Variants in XPR1 observed in about 807,000 individuals in gnomAD.
The protein encoded by XPR1 is xenotropic and polytropic retrovirus receptor 1, also known as solute carrier family 53 member 1.
A neutral mutation model predicts 87.5 loss-of-function variants in XPR1; 28 were observed. The ratio of observed to expected loss-of-function variants is 0.32; its 90% CI spans 0.24 to 0.44. The LOEUF is 0.44. Among genes scored for constraint, XPR1 ranks in the 20% least tolerant of loss-of-function variants. XPR1 has a pLI of 1.00. For synonymous variants in XPR1, 300 were observed against 306.1 expected (o/e 0.98, Z 0.21); for missense variants, 559 against 862.3 (o/e 0.65, Z 4.41).
chr1:180,659,262 C>A (rs1481046699), intron 1 of XPR1, among the ~76,000 whole-genome samples: 3 of 114,902 alleles, frequency 2.6e-5, no homozygotes, highest in South Asian at 7.3e-4. Flanking sequence ...CCCTCCCTCC[C>A]TCCCTCCCTC....
Position 180,887,294 on chromosome 1 carries a change from A to G in XPR1, c.*3228A>G, listed in dbSNP as rs927144369. ...CTAGTTTTATTTTGGAGAATCACTC[A>G]GTTTTTAATATCAATTAAAATAGTC... is the stretch of plus-strand genomic sequence containing the variant. On this transcript the variant is annotated 3_prime_UTR_variant, in exon 15 of 15. Coordinates refer to ENST00000367590, the MANE Select transcript of XPR1 (RefSeq NM_004736.4). The G allele has an allele frequency of 6.6e-6, 1 of 152,248 alleles. No homozygotes were observed. The highest frequency in any genetic ancestry group is 2.4e-5 in the African/African-American group (1 of 41,466). The allele number at this position is 152,248 out of a possible 1,614,324, so 9.4% of individuals were successfully genotyped here.
intron 1 of XPR1, among the ~76,000 whole-genome samples, chr1:180,648,790 AAGCC>A (rs1473472231): frequency 6.6e-6 from 1 of 152,128 alleles, no homozygotes; most frequent in East Asian, 1.9e-4. Flanking sequence ...TTACAGGTGT[AAGCC>A]ACTGCGCCCA....
intron 2 of XPR1, among the ~76,000 whole-genome samples, chr1:180,689,214 G>C (rs1656897595): frequency 6.6e-6 from 1 of 152,186 alleles, no homozygotes; most frequent in Non-Finnish European, 1.5e-5. Flanking sequence ...GCATGACTCA[G>C]TAATGACAGT....
At chr1:180,742,954 G>C (rs2102024789) in intron 2 of XPR1, among the ~76,000 whole-genome samples, 1 of 151,954 alleles carries the variant, frequency 6.6e-6, no homozygotes, top group Middle Eastern at 3.4e-3. Flanking sequence ...TCTTCCTTTT[G>C]ATTAGTATTT....
At chr1:180,680,621 C>T (rs970875459) in intron 1 of XPR1, among the ~76,000 whole-genome samples, 2 of 152,068 alleles carry the variant, frequency 1.3e-5, no homozygotes, top group African/African-American at 4.8e-5. Flanking sequence ...CCTCGGCCTC[C>T]CAAAGTGCTG....
rs1378621484 is a variant in XPR1 at position 180,704,274 on chromosome 1, A to ATATATATATATATG, written c.121+21866_121+21867insATATATATATGTAT. ...TATATATATATATATATATATATATATATTATCAGATTATCTGTTTTGTTA... is the reference window on the plus strand; with the variant it reads ...TATATATATATATATATATATATATATATATATATATATGTATTATCAGATTATCTGTTTTGTTA... On this transcript the variant is annotated intron_variant, in intron 2 of 14. Coordinates refer to ENST00000367590, the MANE Select transcript of XPR1 (RefSeq NM_004736.4). 3.0e-4 allele frequency among the ~76,000 whole-genome samples: 43 copies of ATATATATATATATG among 141,682 alleles called. 2 individuals are homozygous for ATATATATATATATG. In the South Asian group the frequency reaches 9.6e-3, roughly 32 times the overall value. The allele number at this position is 141,682 out of a possible 152,430, so 92.9% of individuals were successfully genotyped here. A position where few individuals can be genotyped will look rare whatever the true frequency, so the allele number is the denominator to read the frequency against.
intron 2 of XPR1, among the ~76,000 whole-genome samples, chr1:180,749,911 A>G (rs1647456113): frequency 6.6e-6 from 1 of 152,214 alleles, no homozygotes; most frequent in Admixed American, 6.5e-5. Context: ...CCGTAGTTAA[A>G]AGGGCAAATG....
intron 2 of XPR1, among the ~76,000 whole-genome samples, chr1:180,742,102 G>T (rs551844282): frequency 6.6e-6 from 1 of 151,606 alleles, no homozygotes; most frequent in African/African-American, 2.4e-5. Flanking sequence ...TTTCTAAAGA[G>T]CCATCTTTTG....
At chr1:180,873,671 C>G (rs1652574568) in intron 12 of XPR1, 132 bp from the exon 13 acceptor site, 5 of 999,290 alleles carry the variant, frequency 5.0e-6, no homozygotes, top group Non-Finnish European at 5.7e-6. Flanking sequence ...AAATAAAGTA[C>G]AACTTTCCTC....
At chr1:180,752,292 ATTCTT>A (rs1467120460) in intron 2 of XPR1, among the ~76,000 whole-genome samples, 5 of 152,158 alleles carry the variant, frequency 3.3e-5, no homozygotes, top group Non-Finnish European at 7.4e-5. Flanking sequence ...AGGATTATTT[ATTCTT>A]TTCTTTTTTT....
chr1:180,656,387 G>GTATTTATATATAAATATATATA (rs1655476305), intron 1 of XPR1, among the ~76,000 whole-genome samples: 2 of 54,174 alleles, frequency 3.7e-5, no homozygotes, highest in East Asian at 5.1e-4. Context: ...TAATATTCAT[G>GTATTTATATATAAATATATATA]TATTTATATA....
rs527975315 is a variant in XPR1 at position 180,684,284 on chromosome 1, C to T, written c.121+1873C>T. Among the ~76,000 whole-genome samples the T allele has an allele frequency of 7.1e-3, 1,084 of 152,206 alleles. 15 individuals are homozygous for T. The highest frequency in any genetic ancestry group is 0.024 in the African/African-American group (1,002 of 41,506). On this transcript the variant is annotated intron_variant, in intron 2 of 14. Coordinates refer to ENST00000367590, the MANE Select transcript of XPR1 (RefSeq NM_004736.4). Reference sequence around the variant, plus strand: ...CAAAGATCAGATGGTTGTAGATATGCGGCATTATTTCTGAGGGCTCTGTGC... The same window carrying T: ...CAAAGATCAGATGGTTGTAGATATGTGGCATTATTTCTGAGGGCTCTGTGC...
chr1:180,696,200 G>GTATATA (rs1371214062), intron 2 of XPR1, among the ~76,000 whole-genome samples: 23 of 110,050 alleles, frequency 2.1e-4, no homozygotes, highest in Non-Finnish European at 3.1e-4. Context: ...GTGTGTGTGT[G>GTATATA]TGTGTGTGTA....
chr1:180,780,256 A>G (rs1648883984), intron 2 of XPR1, among the ~76,000 whole-genome samples: 1 of 152,200 alleles, frequency 6.6e-6, no homozygotes, highest in Non-Finnish European at 1.5e-5. Flanking sequence ...CCAAGTGGCT[A>G]CATCATTTAA....
chr1:180,669,575 T>C (rs1452075006), intron 1 of XPR1, among the ~76,000 whole-genome samples: 1 of 152,126 alleles, frequency 6.6e-6, no homozygotes, highest in Non-Finnish European at 1.5e-5. Context: ...TTGGCCAGGC[T>C]GGTCTCAAAC....
At chr1:180,789,379 A>G (rs1038618550) in intron 3 of XPR1, among the ~76,000 whole-genome samples, 2 of 152,136 alleles carry the variant, frequency 1.3e-5, no homozygotes, top group Non-Finnish European at 2.9e-5. Flanking sequence ...ACATAGCCAT[A>G]CCCATCACCC....
Position 180,884,221 on chromosome 1 carries a change from A to G in XPR1, c.*155A>G. On this transcript the variant is annotated 3_prime_UTR_variant, in exon 15 of 15. Transcript: ENST00000367590. ...GGATCGGATCCTATGGACTCCAAAC[A>G]AGCTCACTGTGTTTCTTTTCTTTTC... 1 of 517,662 alleles carries G rather than the reference A, an allele frequency of 1.9e-6. No individual in the cohort carries two copies. The highest frequency in any genetic ancestry group is 3.4e-6 in the Non-Finnish European group (1 of 292,820). The allele number at this position is 517,662 out of a possible 1,614,324, so 32.1% of individuals were successfully genotyped here. A position where few individuals can be genotyped will look rare whatever the true frequency, so the allele number is the denominator to read the frequency against.
chr1:180,765,369 G>A (rs1286886598), intron 2 of XPR1, among the ~76,000 whole-genome samples: 1 of 152,168 alleles, frequency 6.6e-6, no homozygotes, highest in East Asian at 1.9e-4. Flanking sequence ...ATGCTGGACT[G>A]ATTTCAGTAT....
intron 2 of XPR1, among the ~76,000 whole-genome samples, chr1:180,712,886 T>C (rs1359502530): frequency 2.6e-5 from 4 of 151,204 alleles, no homozygotes. Context: ...TTGATTACTA[T>C]AGCTTTAGTA....
Sources: gnomAD v4.1 joint callset for allele counts (sites outside exome capture counted in the v4.1 genomes callset) on GRCh38, gnomAD v4.1.1 for gene constraint, MANE v1.5 for transcripts, NCBI Gene and HGNC (gene_info 2026-07-23, HGNC 2026-07-21) for gene names.